CTNNA2: variants seen among roughly 807,000 people sequenced by gnomAD.
CTNNA2 encodes catenin alpha 2.
In CTNNA2, 42 loss-of-function variants were observed where a neutral mutation model predicts 101.0. The ratio of observed to expected loss-of-function variants is 0.42; its 90% CI spans 0.32 to 0.54. The LOEUF is 0.54. CTNNA2 is among the 20% of genes least tolerant of loss of function. CTNNA2 has a pLI of 0.14. For synonymous variants in CTNNA2, 450 were observed against 456.4 expected, an observed-to-expected ratio of 0.99 and a Z score of 0.18; for missense variants, 871 against 1,223.1, an observed-to-expected ratio of 0.71 and a Z score of 4.29.
At chr2:80,327,743 T>G (rs1275727305) in intron 7 of CTNNA2, among the ~76,000 whole-genome samples, 3 of 152,204 alleles carry the variant, frequency 2.0e-5, no homozygotes, top group African/African-American at 7.2e-5. Context: ...AATAGAAGTA[T>G]AAACAGAGCT....
At chr2:80,308,806 A>G (rs1175012603) in intron 7 of CTNNA2, among the ~76,000 whole-genome samples, 1 of 152,184 alleles carries the variant, frequency 6.6e-6, no homozygotes, top group Non-Finnish European at 1.5e-5. Context: ...TCTCCTGGGC[A>G]TGGTGACTCA....
chr2:79,984,503 T>C (rs116312111), intron 7 of CTNNA2, among the ~76,000 whole-genome samples: 309 of 152,330 alleles, frequency 2.0e-3, no homozygotes, highest in African/African-American at 7.1e-3. Flanking sequence ...TCCTACATCC[T>C]GTCAAATTTA....
At chr2:79,415,652 G>C (rs920913275) in intron 4 of CTNNA2, among the ~76,000 whole-genome samples, 1 of 152,086 alleles carries the variant, frequency 6.6e-6, no homozygotes, top group Non-Finnish European at 1.5e-5. Context: ...GCAATAGTGG[G>C]CTTCTTATTG....
intron 4 of CTNNA2, among the ~76,000 whole-genome samples, chr2:79,488,172 G>T (rs1671175051): frequency 6.6e-6 from 1 of 151,892 alleles, no homozygotes; most frequent in African/African-American, 2.4e-5. Flanking sequence ...TACAAAATTA[G>T]CTGACCGTGG....
intron 4 of CTNNA2, among the ~76,000 whole-genome samples, chr2:79,462,058 C>A (rs555100818): frequency 6.6e-6 from 1 of 151,680 alleles, no homozygotes; most frequent in Non-Finnish European, 1.5e-5. Context: ...AGAATTTTAC[C>A]GATATGAAAG....
chr2:79,233,011 G>C (rs1216173267), intron 2 of CTNNA2, among the ~76,000 whole-genome samples: 2 of 151,946 alleles, frequency 1.3e-5, no homozygotes, highest in African/African-American at 4.8e-5. Context: ...TAAATTTTTA[G>C]TTTTACTGAT....
intron 9 of CTNNA2, among the ~76,000 whole-genome samples, chr2:80,451,821 G>A (rs1329513200): frequency 6.6e-6 from 1 of 152,092 alleles, no homozygotes; most frequent in East Asian, 1.9e-4. Flanking sequence ...AAGAATTACA[G>A]ATTCCTTCAT....
intron 7 of CTNNA2, among the ~76,000 whole-genome samples, chr2:79,915,746 A>G (rs1686153371): frequency 6.6e-6 from 1 of 152,224 alleles, no homozygotes; most frequent in South Asian, 2.1e-4. Context: ...TCTATTTGAA[A>G]TAATCTTATG....
At chr2:80,097,380 T>C (rs1700222407) in intron 7 of CTNNA2, among the ~76,000 whole-genome samples, 1 of 152,238 alleles carries the variant, frequency 6.6e-6, no homozygotes, top group Admixed American at 6.5e-5. Flanking sequence ...GATCAGCTGT[T>C]AGTCTGATGG....
chr2:79,501,216 C>T (rs1230724169), intron 4 of CTNNA2, among the ~76,000 whole-genome samples: 2 of 152,162 alleles, frequency 1.3e-5, no homozygotes, highest in Non-Finnish European at 2.9e-5. Flanking sequence ...TAATCCATGA[C>T]ATGCCATGAC....
intron 2 of CTNNA2, among the ~76,000 whole-genome samples, chr2:79,279,669 CT>C (rs1370887194): frequency 1.4e-4 from 22 of 152,028 alleles, no homozygotes; most frequent in Admixed American, 1.3e-3. Flanking sequence ...AAAATGACTG[CT>C]TTTTTGATTT....
chr2:80,250,619 C>G (rs1206443857), intron 7 of CTNNA2, among the ~76,000 whole-genome samples: 1 of 152,096 alleles, frequency 6.6e-6, no homozygotes, highest in Non-Finnish European at 1.5e-5. Flanking sequence ...CCCTCTGGAT[C>G]TGATGCTATG....
At chr2:79,311,638 T>C (rs1466431526) in intron 2 of CTNNA2, among the ~76,000 whole-genome samples, 1 of 152,034 alleles carries the variant, frequency 6.6e-6, no homozygotes, top group Non-Finnish European at 1.5e-5. Flanking sequence ...CTTTCTCCCA[T>C]CTTGAGGTGC....
chr2:80,528,705 A>C (rs2149589831), intron 9 of CTNNA2, among the ~76,000 whole-genome samples: 1 of 152,134 alleles, frequency 6.6e-6, no homozygotes, highest in Admixed American at 6.5e-5. Flanking sequence ...ATAAATAAAA[A>C]TAAAAATAAA....
intron 7 of CTNNA2, among the ~76,000 whole-genome samples, chr2:80,156,254 G>C (rs558031404): frequency 2.6e-5 from 4 of 152,106 alleles, no homozygotes; most frequent in Non-Finnish European, 5.9e-5. Context: ...AATCCCATCC[G>C]CTACACACTT....
intron 7 of CTNNA2, among the ~76,000 whole-genome samples, chr2:80,334,564 A>G (rs1300595564): frequency 6.6e-6 from 1 of 152,226 alleles, no homozygotes; most frequent in African/African-American, 2.4e-5. Context: ...AAACCAAGAT[A>G]TAAAGTCACC....
chr2:80,349,734 G>A (rs1381442569), intron 7 of CTNNA2, among the ~76,000 whole-genome samples: 1 of 151,988 alleles, frequency 6.6e-6, no homozygotes, highest in East Asian at 1.9e-4. Flanking sequence ...TGCTTAGGCT[G>A]GTCTTGAATT....
chr2:80,083,839 C>G (rs1002841854), intron 7 of CTNNA2, among the ~76,000 whole-genome samples: 1 of 152,002 alleles, frequency 6.6e-6, no homozygotes, highest in Non-Finnish European at 1.5e-5. Context: ...ATATTCCTGT[C>G]AAGATCTTAC....
At chr2:79,403,911 G>A (rs1678314336) in intron 4 of CTNNA2, among the ~76,000 whole-genome samples, 1 of 151,978 alleles carries the variant, frequency 6.6e-6, no homozygotes, top group Non-Finnish European at 1.5e-5. Flanking sequence ...ACACCTGGTT[G>A]TATATATCAG....
Sources: allele counts gnomAD v4.1 joint callset (sites outside exome capture counted in the v4.1 genomes callset), GRCh38; gene constraint gnomAD v4.1.1; transcripts MANE v1.5; gene names NCBI Gene and HGNC (gene_info 2026-07-23, HGNC 2026-07-21).